The following PKHD1L1 variants were observed in gnomAD, a reference collection of about 807,000 sequenced individuals.
PKHD1L1 encodes the protein fibrocystin-L.
Under a neutral mutation model 462.9 loss-of-function variants are expected in PKHD1L1, and 434 were observed. That is an observed-to-expected ratio of 0.94 (90% CI 0.87 to 1.02). The LOEUF (loss-of-function observed/expected upper bound fraction) is 1.02. Ranked by LOEUF, PKHD1L1 falls within the 50% of genes least tolerant of loss-of-function variation. The pLI, the probability that PKHD1L1 is intolerant of heterozygous loss-of-function variation, is 0.00. For synonymous variants in PKHD1L1, 1,781 were observed against 1,750.0 expected, an observed-to-expected ratio of 1.02 and a Z score of -0.44; for missense variants, 5,202 against 5,096.1, an observed-to-expected ratio of 1.02 and a Z score of -0.63.
Position 109,448,315 on chromosome 8 carries a change from T to A in PKHD1L1, c.5949T>A (p.His1983Gln), listed in dbSNP as rs766287678. The A allele has an allele frequency of 1.9e-6, 3 of 1,613,756 alleles. No homozygotes were observed. The South Asian group carries it at 3.3e-5, about 18-fold the overall frequency. The change falls in exon 39 of 78, where the codon CAT (histidine) becomes CAA (glutamine). Residue 1983 changes from histidine to glutamine, a missense_variant. Transcript: ENST00000378402. The stretch of plus-strand genomic sequence containing the variant: ...GCACATTTCCTGTTATGATGCATCA[T>A]AAGACAAAAGGCTCAGCCATGTCCA... Reference protein sequence around the residue: ...AGGTFPVMMHHKTKGSAMSTV... With the variant: ...AGGTFPVMMHQKTKGSAMSTV...
intron 6 of PKHD1L1, among the ~76,000 whole-genome samples, 153 bp from the exon 7 acceptor site, chr8:109,388,344 C>T (rs1211481556): frequency 1.3e-5 from 2 of 151,972 alleles, no homozygotes; most frequent in Non-Finnish European, 2.9e-5. Flanking sequence ...AATAGAGGTT[C>T]AGTAGATGTT....
chr8:109,480,515 A>T (rs566583753), intron 55 of PKHD1L1: 35 of 408,928 alleles, frequency 8.6e-5, no homozygotes, highest in African/African-American at 4.0e-4. Flanking sequence ...AACAGTATTT[A>T]AAAAAAAAAC....
At chr8:109,436,896 A>C (rs1206102611) in intron 30 of PKHD1L1, among the ~76,000 whole-genome samples, 5 of 152,206 alleles carry the variant, frequency 3.3e-5, no homozygotes, top group Admixed American at 3.3e-4. Flanking sequence ...GTAAATCTAG[A>C]AAATAATAGT....
intron 77 of PKHD1L1, among the ~76,000 whole-genome samples, chr8:109,528,798 T>C (rs1312002430): frequency 1.3e-5 from 2 of 152,234 alleles, no homozygotes; most frequent in Admixed American, 6.5e-5. Flanking sequence ...TTACATATTA[T>C]AAGTACGAAA....
At chr8:109,435,817 T>G (rs1815376137) in intron 29 of PKHD1L1, among the ~76,000 whole-genome samples, 1 of 151,982 alleles carries the variant, frequency 6.6e-6, no homozygotes, top group Non-Finnish European at 1.5e-5. Context: ...CATTTGTTTG[T>G]TTTTTTTACC....
At chr8:109,481,652 G>T in intron 56 of PKHD1L1, 90 bp downstream of exon 56, 1 of 1,162,956 alleles carries the variant, frequency 8.6e-7, no homozygotes, top group South Asian at 3.5e-5. Flanking sequence ...AGTTCATAAT[G>T]ATAAATACTT....
rs770010846 is a variant in PKHD1L1 at position 109,443,856 on chromosome 8, T to C, written c.4745T>C (p.Ile1582Thr). ...TPSTGTVNEL[I>T]TIIGHGFSNL... ...TCCACTGGAACAGTAAATGAACTAA[T>C]AACAATTATTGGACATGGCTTTAGT... Residue 1582 changes from isoleucine (I) to threonine (T), a missense_variant, in exon 37 of 78, where the codon ATA becomes ACA. Ile to Thr is a moderately conservative substitution (Grantham distance 89, BLOSUM62 -1). Coordinates refer to ENST00000378402, the MANE Select transcript of PKHD1L1 (RefSeq NM_177531.6). 6.2e-7 allele frequency: 1 copy of C among 1,613,796 alleles called. No individual in the cohort carries two copies. The highest frequency in any genetic ancestry group is 1.7e-5 in the Admixed American group (1 of 60,018).
intron 28 of PKHD1L1, among the ~76,000 whole-genome samples, chr8:109,434,788 T>A (rs1815305731): frequency 6.6e-6 from 1 of 152,158 alleles, no homozygotes; most frequent in South Asian, 2.1e-4. Flanking sequence ...TTTTTGATCA[T>A]CTTTCCTGAT....
At chr8:109,374,043 A>C (rs920304459) in intron 2 of PKHD1L1, among the ~76,000 whole-genome samples, 4 of 152,128 alleles carry the variant, frequency 2.6e-5, no homozygotes, top group African/African-American at 9.7e-5. Flanking sequence ...GCTGAGTTCA[A>C]TTCCTGGATA....
intron 22 of PKHD1L1, among the ~76,000 whole-genome samples, chr8:109,419,952 C>T (rs554066574): frequency 6.6e-6 from 1 of 151,882 alleles, no homozygotes; most frequent in South Asian, 2.1e-4. Context: ...CATTGTCACT[C>T]CTTTTGAATC....
intron 16 of PKHD1L1, among the ~76,000 whole-genome samples, chr8:109,405,462 A>G (rs1359089221): frequency 6.6e-6 from 1 of 152,194 alleles, no homozygotes; most frequent in East Asian, 1.9e-4. Context: ...CGTCAATGAT[A>G]GACTGGATAA....
chr8:109,454,966 G>A lies in PKHD1L1; in HGVS notation c.6874+114G>A, dbSNP rs376587942. The A allele has an allele frequency of 1.6e-4, 209 of 1,321,702 alleles. 1 individual carries two copies. The African/African-American group carries it at 2.3e-3, about 15-fold the overall frequency. 81.9% of individuals were successfully genotyped at this position (1,321,702 alleles called of 1,614,324 possible). On this transcript the variant is annotated intron_variant, in intron 45 of 77. Coordinates refer to ENST00000378402, the MANE Select transcript of PKHD1L1 (RefSeq NM_177531.6). ...CTGTGATAAAGTGAAAGTGTGTTAG[G>A]CTTCTCATGTCTTTAGATATCCCCT...
In PKHD1L1 at chr8:109,438,452, A is replaced by G. The variant is rs2130727863; in HGVS notation, c.3756A>G (p.Ile1252Met). 2 of 1,535,634 alleles carry G rather than the reference A, an allele frequency of 1.3e-6. No homozygotes were observed. The highest frequency in any genetic ancestry group is 1.8e-6 in the Non-Finnish European group (2 of 1,139,786). Residue 1252 changes from isoleucine to methionine, a missense_variant, in exon 31 of 78, where the codon ATA becomes ATG. Ile to Met is a conservative substitution (Grantham distance 10). Around this residue, in one of 3 missense-constraint regions of PKHD1L1, gnomAD observed 4,497 missense variants for 4,336.8 expected, o/e 1.04. Coordinates refer to ENST00000378402, the MANE Select transcript of PKHD1L1 (RefSeq NM_177531.6). ...ITDFSPKVRT[I>M]LGEVNLTIKG... ...ATTTTAGTCCAAAAGTACGAACAAT[A>G]CTAGGTAAGAAATTCTTCAATAAGA...
At position 109,412,198 on chromosome 8, in the gene PKHD1L1, T is replaced by G. The variant is rs534235720; in HGVS notation, c.2086-67T>G. On this transcript the variant is annotated intron_variant, in intron 19 of 77. Coordinates refer to ENST00000378402, the MANE Select transcript of PKHD1L1 (RefSeq NM_177531.6). ...TGGGTTGAACCTTGAGTGGTTTGGG[T>G]GCACACGTTGGGGGAAAACCAGAAC... 5.2e-5 allele frequency: 81 copies of G among 1,554,592 alleles called. No individual in the cohort carries two copies. The South Asian group carries it at 8.1e-4, about 16-fold the overall frequency.
At chr8:109,459,285 T>C (rs1016823640) in intron 46 of PKHD1L1, among the ~76,000 whole-genome samples, 4 of 152,118 alleles carry the variant, frequency 2.6e-5, no homozygotes, top group Admixed American at 6.6e-5. Context: ...TCATCCTCAA[T>C]TGAGAACCAC....
At position 109,530,404 on chromosome 8, in the gene PKHD1L1, T is replaced by A. The variant is rs1821011843; in HGVS notation, c.*314T>A. 1 of 177,314 alleles carries A rather than the reference T, an allele frequency of 5.6e-6. No individual in the cohort carries two copies. The highest frequency in any genetic ancestry group is 1.2e-5 in the Non-Finnish European group (1 of 84,582). 11.0% of individuals were successfully genotyped at this position (177,314 alleles called of 1,614,324 possible). A position where few individuals can be genotyped will look rare whatever the true frequency, so the allele number is the denominator to read the frequency against. Reference sequence around the variant, plus strand: ...GAATCCTTTAAATAATGGAAAGAGCTTGTCTAGTTCCGACTTAAGCTCTTT... The same window carrying A: ...GAATCCTTTAAATAATGGAAAGAGCATGTCTAGTTCCGACTTAAGCTCTTT... On this transcript the variant is annotated 3_prime_UTR_variant, in exon 78 of 78. Transcript: ENST00000378402.
chr8:109,372,783 T>C (rs894114081), intron 2 of PKHD1L1, among the ~76,000 whole-genome samples: 9 of 152,154 alleles, frequency 5.9e-5, no homozygotes, highest in Admixed American at 1.3e-4. Context: ...TTGTCTTTGG[T>C]TCTGTTTATA....
intron 14 of PKHD1L1, among the ~76,000 whole-genome samples, 153 bp downstream of exon 14, chr8:109,401,741 T>G (rs1813284372): frequency 6.6e-6 from 1 of 152,202 alleles, no homozygotes; most frequent in Non-Finnish European, 1.5e-5. Flanking sequence ...TTTATTCAAA[T>G]GTGTTTCTTG....
chr8:109,453,235 T>C (rs1336140935), intron 43 of PKHD1L1, among the ~76,000 whole-genome samples: 1 of 152,142 alleles, frequency 6.6e-6, no homozygotes, highest in Non-Finnish European at 1.5e-5. Flanking sequence ...AAAGGTATTT[T>C]CCACTTTGAA....
Sources: gnomAD v4.1 joint callset for allele counts (sites outside exome capture counted in the v4.1 genomes callset) on GRCh38, gnomAD v4.1.1 for gene constraint, gnomAD v4.1.1 regional missense constraint, MANE v1.5 for transcripts, NCBI Gene and HGNC (gene_info 2026-07-23, HGNC 2026-07-21) for gene names.